The following ZNF470 variants were observed in gnomAD, a reference collection of about 807,000 sequenced individuals.
The protein encoded by ZNF470 is chondrogenesis zinc finger protein 1.
Under a neutral mutation model 13.9 loss-of-function variants are expected in ZNF470, and 13 were observed. The observed-to-expected ratio is 0.94, with a 90% CI of 0.61 to 1.49. ZNF470 has a LOEUF of 1.49. ZNF470 is among the 40% of genes most tolerant of loss of function. ZNF470 has a pLI of 0.00. For missense variants in ZNF470, 929 were observed against 857.3 expected (o/e 1.08, Z -1.04); for synonymous variants, 293 against 282.9 (o/e 1.04, Z -0.36).
At chr19:56,572,320 A>G (rs981087231) in intron 3 of ZNF470, among the ~76,000 whole-genome samples, 2 of 111,508 alleles carry the variant, frequency 1.8e-5, no homozygotes, top group African/African-American at 4.1e-5. Flanking sequence ...CCTGGCCAAC[A>G]TGGTGAAACC....
Position 56,577,716 on chromosome 19 carries a change from G to C in ZNF470, c.1287G>C (p.Val429=). 6.2e-7 allele frequency: 1 copy of C among 1,610,544 alleles called. No individual in the cohort carries two copies. Among genetic ancestry groups the C allele is most frequent in the Non-Finnish European group, 8.5e-7 (1 of 1,177,408 alleles). Residue 429 remains valine (V), a synonymous_variant, in exon 6 of 6, where the codon GTG becomes GTC. Coordinates refer to ENST00000330619, the MANE Select transcript of ZNF470 (RefSeq NM_001001668.4). Reference sequence around the variant, plus strand: ...GAGAGAGACCTTACAAATGTAATGTGTGTGGGAAGGCTTTTAGCCATGGCT... The same window carrying C: ...GAGAGAGACCTTACAAATGTAATGTCTGTGGGAAGGCTTTTAGCCATGGCT... ...HTGERPYKCN[V]CGKAFSHGSS...
chr19:56,574,255 C>G (rs1568494451), intron 3 of ZNF470, 139 bp from the exon 4 acceptor site: 5 of 1,341,038 alleles, frequency 3.7e-6, no homozygotes, highest in Non-Finnish European at 5.3e-6. Flanking sequence ...CTTACCTGAC[C>G]CGGATCATTT....
In ZNF470 at chr19:56,568,072, A is replaced by G. The variant is rs186917121; in HGVS notation, c.-159+34A>G. The G allele has an allele frequency of 5.6e-3, 5,478 of 985,722 alleles. 20 individuals are homozygous for G. Among genetic ancestry groups the G allele is most frequent in the Non-Finnish European group, 6.3e-3 (5,205 of 830,198 alleles). 61.1% of individuals were successfully genotyped at this position (985,722 alleles called of 1,614,324 possible). A position where few individuals can be genotyped will look rare whatever the true frequency, so the allele number is the denominator to read the frequency against. ...GACAGATGACGGATGTGGCTGCCGG[A>G]GTGGACATTGAGGTTTTGGGTGCTG... On this transcript the variant is annotated intron_variant, in intron 1 of 5. Transcript: ENST00000330619.
rs1237973618 is a variant in ZNF470 at position 56,578,065 on chromosome 19, TTCAG to T, written c.1641_1644del (p.Ser547ArgfsTer61). On this transcript the variant is annotated frameshift_variant, in exon 6 of 6. Coordinates refer to ENST00000330619, the MANE Select transcript of ZNF470 (RefSeq NM_001001668.4). LOFTEE classifies it low-confidence loss of function (END_TRUNC). ...TGAATGTAAGGAATGTGGTAAGGCC[TTCAG>T]TCAGATTGCACACCTTGTTCAGCAC... is the stretch of plus-strand genomic sequence containing the variant. 5.0e-6 allele frequency: 8 copies of T among 1,613,878 alleles called. 1 individual carries two copies. In the South Asian group the frequency reaches 8.8e-5, roughly 18 times the overall value.
Position 56,579,231 on chromosome 19 carries a change from G to A in ZNF470, c.*648G>A, listed in dbSNP as rs1002555193. The A allele has an allele frequency of 2.0e-5, 16 of 792,866 alleles. No individual in the cohort carries two copies. The highest frequency in any genetic ancestry group is 1.9e-5 in the African/African-American group (1 of 53,102). 49.1% of individuals were successfully genotyped at this position (792,866 alleles called of 1,614,324 possible). On this transcript the variant is annotated 3_prime_UTR_variant, in exon 6 of 6. Transcript: ENST00000330619. ...GAGCTCAGGAGTTCGAGACCAACCT[G>A]AGCAACATGGTGAAACCCTGTCTCT...
At chr19:56,570,035 T>TTG in intron 2 of ZNF470, 1 of 387,840 alleles carries the variant, frequency 2.6e-6, no homozygotes, top group Non-Finnish European at 4.8e-6. Flanking sequence ...AATAAATCTG[T>TTG]TGTTAATGAA....
chr19:56,567,707 C>G lies in ZNF470; in HGVS notation c.-490C>G. 1 of 988,042 alleles carries G rather than the reference C, an allele frequency of 1.0e-6. No individual in the cohort carries two copies. Among genetic ancestry groups the G allele is most frequent in the Non-Finnish European group, 1.2e-6 (1 of 832,104 alleles). 61.2% of individuals were successfully genotyped at this position (988,042 alleles called of 1,614,324 possible). A position where few individuals can be genotyped will look rare whatever the true frequency, so the allele number is the denominator to read the frequency against. ...GCGAGCGCGCGCGGGGATGGCGGCC[C>G]GGTGTGTGACTGTCCGGTGCGTGGC... On this transcript the variant is annotated 5_prime_UTR_variant, in exon 1 of 6. Coordinates refer to ENST00000330619, the MANE Select transcript of ZNF470 (RefSeq NM_001001668.4).
chr19:56,582,590 G>A lies in ZNF470; in HGVS notation c.*4007G>A. ...GCCTCTACCACCACCAAATTTACTT[G>A]TTGAAGTCCTAAACCCCAACATGAC... On this transcript the variant is annotated 3_prime_UTR_variant, in exon 6 of 6. Coordinates refer to ENST00000330619, the MANE Select transcript of ZNF470 (RefSeq NM_001001668.4). 1.0e-6 allele frequency: 1 copy of A among 985,192 alleles called. No homozygotes were observed. Among genetic ancestry groups the A allele is most frequent in the African/African-American group, 1.7e-5 (1 of 57,332 alleles). 61.0% of individuals were successfully genotyped at this position (985,192 alleles called of 1,614,324 possible). A position where few individuals can be genotyped will look rare whatever the true frequency, so the allele number is the denominator to read the frequency against.
chr19:56,578,533 G>A lies in ZNF470; in HGVS notation c.2104G>A (p.Glu702Lys), dbSNP rs893390316. The change falls in exon 6 of 6, where the codon GAG (glutamate) becomes AAG (lysine). Residue 702 changes from glutamate (E) to lysine (K), a missense_variant. Coordinates refer to ENST00000330619, the MANE Select transcript of ZNF470 (RefSeq NM_001001668.4). ...LAHHQRIHTG[E>K]SSVILSSALP... ...TCATCATCAGCGAATTCATACCGGA[G>A]AGTCATCAGTTATTCTCTCCTCTGC... 6.3e-7 allele frequency: 1 copy of A among 1,589,792 alleles called. No homozygotes were observed. Among genetic ancestry groups the A allele is most frequent in the Non-Finnish European group, 8.6e-7 (1 of 1,168,018 alleles).
rs2044514411 is a variant in ZNF470, at chr19:56,578,913, T to C, written c.*330T>C. 1.8e-5 allele frequency: 19 copies of C among 1,036,788 alleles called. No homozygotes were observed. Among genetic ancestry groups the C allele is most frequent in the South Asian group, 4.5e-5 (1 of 22,266 alleles). The allele number at this position is 1,036,788 out of a possible 1,614,324, so 64.2% of individuals were successfully genotyped here. A position where few individuals can be genotyped will look rare whatever the true frequency, so the allele number is the denominator to read the frequency against. On this transcript the variant is annotated 3_prime_UTR_variant, in exon 6 of 6. Coordinates refer to ENST00000330619, the MANE Select transcript of ZNF470 (RefSeq NM_001001668.4). ...AAAGGTTTCCTTACAAACTATCATA[T>C]TAAGCAGCAAGTAAACCAAACAGTA...
At chr19:56,575,854 A>G (rs2044484977) in intron 5 of ZNF470, among the ~76,000 whole-genome samples, 1 of 152,148 alleles carries the variant, frequency 6.6e-6, no homozygotes, top group Non-Finnish European at 1.5e-5. Flanking sequence ...AGAAATAATG[A>G]AAATCAGTAA....
In ZNF470 at chr19:56,579,472, G is replaced by C. The variant is rs916079199; in HGVS notation, c.*889G>C. On this transcript the variant is annotated 3_prime_UTR_variant, in exon 6 of 6. Coordinates refer to ENST00000330619, the MANE Select transcript of ZNF470 (RefSeq NM_001001668.4). ...TTGGTAGAATGTAGGACTAACCAGG[G>C]TAGGTAGTAGTAAACCAAAAGTAAC... The C allele has an allele frequency of 1.8e-5, 18 of 985,232 alleles. No homozygotes were observed. Among genetic ancestry groups the C allele is most frequent in the Non-Finnish European group, 2.0e-5 (17 of 829,934 alleles). The allele number at this position is 985,232 out of a possible 1,614,324, so 61.0% of individuals were successfully genotyped here.
Position 56,581,209 on chromosome 19 carries a change from C to T in ZNF470, c.*2626C>T. ...AACTTAGAAAAATGGACTAATGTCC[C>T]ATTCACAAAAGATGCAATAAAAGCA... On this transcript the variant is annotated 3_prime_UTR_variant, in exon 6 of 6. Coordinates refer to ENST00000330619, the MANE Select transcript of ZNF470 (RefSeq NM_001001668.4). The T allele has an allele frequency of 1.6e-6, 1 of 608,650 alleles. No homozygotes were observed. The highest frequency in any genetic ancestry group is 2.1e-6 in the Non-Finnish European group (1 of 486,248). The allele number at this position is 608,650 out of a possible 1,614,324, so 37.7% of individuals were successfully genotyped here.
chr19:56,574,400 G>C lies in ZNF470; in HGVS notation c.67G>C (p.Val23Leu), dbSNP rs10421285. The C allele has an allele frequency of 0.37, 589,199 of 1,613,168 alleles. 111,478 individuals carry two copies. Among genetic ancestry groups the C allele is most frequent in the African/African-American group, 0.63 (46,999 of 74,892 alleles). Residue 23 changes from valine (V) to leucine (L), a missense_variant, in exon 4 of 6, where the codon GTG becomes CTG. Val to Leu is a conservative substitution (Grantham distance 32). Transcript: ENST00000330619. ...CATATTTGTGTCATTTTAGGGTTCA[G>C]TGACTTTCACAGATGTGGCCATAGA... ...KLCKAMSLGS[V>L]TFTDVAIDFS...
intron 5 of ZNF470, among the ~76,000 whole-genome samples, chr19:56,575,339 C>T (rs2044481192): frequency 6.6e-6 from 1 of 151,794 alleles, no homozygotes; most frequent in African/African-American, 2.4e-5. Context: ...CTTCTGATAC[C>T]CTTACAAAAG....
At position 56,570,300 on chromosome 19, in the gene ZNF470, G is replaced by T. The variant is rs765182918; in HGVS notation, c.-12G>T. ...CCCAGCTCTACAATCCCAGAGTAAA[G>T]CTCTTCTCCAAATGAAGAGCCAGGA... On this transcript the variant is annotated 5_prime_UTR_variant, in exon 3 of 6. Coordinates refer to ENST00000330619, the MANE Select transcript of ZNF470 (RefSeq NM_001001668.4). 6.2e-7 allele frequency: 1 copy of T among 1,613,872 alleles called. No homozygotes were observed. Among genetic ancestry groups the T allele is most frequent in the East Asian group, 2.2e-5 (1 of 44,878 alleles).
chr19:56,577,517 C>G lies in ZNF470; in HGVS notation c.1088C>G (p.Thr363Ser). ...SSLAHHRRIHTGKRPYECIDC... is the reference protein window; with the variant it reads ...SSLAHHRRIHSGKRPYECIDC... ...CTAGCTCATCATCGAAGGATTCACA[C>G]TGGGAAAAGACCTTATGAATGTATT... The change falls in exon 6 of 6, where the codon ACT (threonine) becomes AGT (serine). Residue 363 changes from threonine to serine, a missense_variant. By Grantham distance (58) the Thr-to-Ser change is moderately conservative (BLOSUM62 1). Transcript: ENST00000330619. The G allele has an allele frequency of 6.2e-7, 1 of 1,613,624 alleles. No homozygotes were observed. The highest frequency in any genetic ancestry group is 8.5e-7 in the Non-Finnish European group (1 of 1,179,600).
In ZNF470 at chr19:56,579,934, T is replaced by C. The variant is rs185051782; in HGVS notation, c.*1351T>C. The C allele has an allele frequency of 8.5e-5, 25 of 294,348 alleles. No individual in the cohort carries two copies. Among genetic ancestry groups the C allele is most frequent in the African/African-American group, 5.4e-4 (24 of 44,076 alleles). The allele number at this position is 294,348 out of a possible 1,614,324, so 18.2% of individuals were successfully genotyped here. ...GTTTACATTAGGAATGTAGTACTAA[T>C]ACTAATTGAACATTTGCTAATGTTT... On this transcript the variant is annotated 3_prime_UTR_variant, in exon 6 of 6. Coordinates refer to ENST00000330619, the MANE Select transcript of ZNF470 (RefSeq NM_001001668.4).
At chr19:56,573,527 G>GT (rs1400147728) in intron 3 of ZNF470, among the ~76,000 whole-genome samples, 1 of 152,218 alleles carries the variant, frequency 6.6e-6, no homozygotes, top group African/African-American at 2.4e-5. Context: ...AAATCTCCCA[G>GT]TAACAGTCCA....
Sources: gnomAD v4.1 joint callset for allele counts (sites outside exome capture counted in the v4.1 genomes callset) on GRCh38, gnomAD v4.1.1 for gene constraint, MANE v1.5 for transcripts, NCBI Gene and HGNC (gene_info 2026-07-23, HGNC 2026-07-21) for gene names.